RBFOX3: variants seen among roughly 807,000 people sequenced by gnomAD.
RBFOX3 encodes RNA binding fox-1 homolog 3.
In RBFOX3, 17 loss-of-function variants were observed where a neutral mutation model predicts 48.7. The ratio of observed to expected loss-of-function variants is 0.35; its 90% confidence interval spans 0.24 to 0.52. RBFOX3 has a LOEUF of 0.52. Among genes scored for constraint, RBFOX3 ranks in the 20% least tolerant of loss-of-function variants. The pLI is 0.94. For synonymous variants in RBFOX3, 212 were observed against 209.5 expected (o/e 1.01, Z -0.10); for missense variants, 382 against 497.5 (o/e 0.77, Z 2.21).
intron 4 of RBFOX3, among the ~76,000 whole-genome samples, chr17:79,196,660 C>A (rs557043658): frequency 1.3e-5 from 2 of 152,284 alleles, no homozygotes; most frequent in Admixed American, 1.3e-4. Context: ...GGATGGACTG[C>A]ACTTGCCCTG....
At position 79,562,503 on chromosome 17, in the gene RBFOX3, TCTC is replaced by T. The variant is rs1437954300; in HGVS notation, c.-320+48320_-320+48322del. 5.9e-5 allele frequency among the ~76,000 whole-genome samples: 9 copies of T among 152,344 alleles called. No individual in the cohort carries two copies. The East Asian group carries it at 1.7e-3, about 29-fold the overall frequency. Reference sequence around the variant, plus strand: ...CAGAGGGAATTTAATTAGTTCTTGTTCTCCTGATAGAATCAGCCCACCATTGCT... The same window carrying T: ...CAGAGGGAATTTAATTAGTTCTTGTTCTGATAGAATCAGCCCACCATTGCT... On this transcript the variant is annotated intron_variant, in intron 1 of 14. Transcript: ENST00000693108.
intron 3 of RBFOX3, among the ~76,000 whole-genome samples, chr17:79,274,622 G>C (rs1029201859): frequency 6.6e-6 from 1 of 152,074 alleles, no homozygotes; most frequent in African/African-American, 2.4e-5. Context: ...TGGCTCTGTG[G>C]CACCTGGAAA....
intron 3 of RBFOX3, among the ~76,000 whole-genome samples, chr17:79,288,009 C>T (rs954623862): frequency 2.0e-5 from 3 of 152,196 alleles, no homozygotes; most frequent in Admixed American, 6.5e-5. Context: ...ACATTTCACT[C>T]CCACACACAA....
intron 4 of RBFOX3, among the ~76,000 whole-genome samples, chr17:79,132,301 G>A (rs529854962): frequency 5.1e-4 from 77 of 152,224 alleles, no homozygotes; most frequent in Middle Eastern, 3.4e-3. Context: ...GAGGGCGTAC[G>A]TAGAAGAGCA....
At chr17:79,108,816 C>T (rs913291739) in intron 5 of RBFOX3, among the ~76,000 whole-genome samples, 1 of 152,082 alleles carries the variant, frequency 6.6e-6, no homozygotes, top group African/African-American at 2.4e-5. Flanking sequence ...GTGGAGGACA[C>T]AGCCTCCCCC....
intron 2 of RBFOX3, among the ~76,000 whole-genome samples, chr17:79,426,478 G>T (rs1291473318): frequency 6.6e-6 from 1 of 152,196 alleles, no homozygotes; most frequent in Non-Finnish European, 1.5e-5. Flanking sequence ...AGTGTTCTGT[G>T]GTTCCAACAA....
At chr17:79,182,878 C>T (rs2052420267) in intron 4 of RBFOX3, among the ~76,000 whole-genome samples, 1 of 150,960 alleles carries the variant, frequency 6.6e-6, no homozygotes, top group Admixed American at 6.6e-5. Context: ...AGGGAGGATG[C>T]CCCGCTCCCC....
In RBFOX3 at chr17:79,155,896, G is replaced by A. The variant is rs189256549; in HGVS notation, c.-33-40148C>T. ...CGCACCTCTCCTCTCTGACTGCCAC[G>A]GGGCTCGGGTGTCAGGCCAAAGCCT... On this transcript the variant is annotated intron_variant, in intron 4 of 14. Coordinates refer to ENST00000693108, the MANE Select transcript of RBFOX3 (RefSeq NM_001350451.2). Among the ~76,000 whole-genome samples, 32 of 152,322 alleles carry A rather than the reference G, an allele frequency of 2.1e-4. 1 individual carries two copies. Among genetic ancestry groups the A allele is most frequent in the Middle Eastern group, 6.8e-3 (2 of 294 alleles).
At chr17:79,328,705 G>A (rs1277330127) in intron 2 of RBFOX3, among the ~76,000 whole-genome samples, 1 of 152,198 alleles carries the variant, frequency 6.6e-6, no homozygotes, top group East Asian at 1.9e-4. Context: ...TGGCAACAGA[G>A]CGATGGAAGG....
At chr17:79,601,638 T>C (rs1179841829) in intron 1 of RBFOX3, 1 of 152,166 alleles carries the variant, frequency 6.6e-6, no homozygotes, top group Non-Finnish European at 1.5e-5. Flanking sequence ...TGAGTTTTCT[T>C]CTTAGGTTTT....
chr17:79,192,608 G>A (rs1349989863), intron 4 of RBFOX3, among the ~76,000 whole-genome samples: 2 of 152,138 alleles, frequency 1.3e-5, no homozygotes, highest in Non-Finnish European at 1.5e-5. Context: ...GGATGTGGAT[G>A]TCCATGGCTG....
At position 79,299,904 on chromosome 17, in the gene RBFOX3, ACT is replaced by A. The variant is rs1389353520; in HGVS notation, c.-74+7818_-74+7819del. Among the ~76,000 whole-genome samples, 1 of 143,796 alleles carries A rather than the reference ACT, an allele frequency of 7.0e-6. No individual in the cohort carries two copies. Among genetic ancestry groups the A allele is most frequent in the Non-Finnish European group, 1.5e-5 (1 of 65,988 alleles). 94.3% of individuals were successfully genotyped at this position (143,796 alleles called of 152,430 possible). On this transcript the variant is annotated intron_variant, in intron 3 of 14. Coordinates refer to ENST00000693108, the MANE Select transcript of RBFOX3 (RefSeq NM_001350451.2). The surrounding 1 kb of genome is among the most constrained non-coding windows in gnomAD (Gnocchi z 4.5). The stretch of plus-strand genomic sequence containing the variant: ...CAGGCCTCCAAAGGAATCTGCCGAC[ACT>A]CTTTTTTTTTTTTTTTGAGACAGTG...
At chr17:79,275,297 C>T (rs1054161440) in intron 3 of RBFOX3, among the ~76,000 whole-genome samples, 4 of 152,050 alleles carry the variant, frequency 2.6e-5, no homozygotes, top group African/African-American at 4.8e-5. Flanking sequence ...CCAGCTGTCC[C>T]TGTGTCTGGT....
chr17:79,248,300 C>T (rs1457262782), intron 3 of RBFOX3, among the ~76,000 whole-genome samples: 2 of 151,914 alleles, frequency 1.3e-5, no homozygotes, highest in Non-Finnish European at 2.9e-5. Flanking sequence ...GTGGCGCAAT[C>T]TTGGCTCACT....
intron 4 of RBFOX3, among the ~76,000 whole-genome samples, chr17:79,161,596 T>TG (rs1182670277): frequency 1.3e-4 from 20 of 151,286 alleles, no homozygotes; most frequent in Admixed American, 4.6e-4. Context: ...CGTTTTTTTT[T>TG]TGTGTGTGTG....
At chr17:79,308,392 C>T (rs2076372646) in intron 2 of RBFOX3, among the ~76,000 whole-genome samples, 3 of 152,188 alleles carry the variant, frequency 2.0e-5, no homozygotes, top group Admixed American at 1.3e-4. Flanking sequence ...ATCAGTGTCA[C>T]CACGAGCAGC....
rs1489689469 is a variant in RBFOX3, at chr17:79,217,173, C to T, written c.-34+18593G>A. Among the ~76,000 whole-genome samples, 10 of 152,366 alleles carry T rather than the reference C, an allele frequency of 6.6e-5. No individual in the cohort carries two copies. The East Asian group carries it at 1.9e-3, about 29-fold the overall frequency. On this transcript the variant is annotated intron_variant, in intron 4 of 14. Coordinates refer to ENST00000693108, the MANE Select transcript of RBFOX3 (RefSeq NM_001350451.2). ...CCACTCTTGCTTTGCCAAGGCCAGG[C>T]CCCTTGGCTCTGCTGGCAACTGTCC...
chr17:79,376,392 C>T (rs2059226179), intron 2 of RBFOX3, among the ~76,000 whole-genome samples: 1 of 152,108 alleles, frequency 6.6e-6, no homozygotes, highest in African/African-American at 2.4e-5. Flanking sequence ...GTGGGGGTGG[C>T]AGGGGCCGGC....
rs139227738 is a variant in RBFOX3 at position 79,364,402 on chromosome 17, C to A, written c.-174-56578G>T. ...GACGGGGCTGATGGAGATAAAGCTGCCATTCAGATGCAGGTGGACTCTGAA... is the reference window on the plus strand; with the variant it reads ...GACGGGGCTGATGGAGATAAAGCTGACATTCAGATGCAGGTGGACTCTGAA... On this transcript the variant is annotated intron_variant, in intron 2 of 14. Transcript: ENST00000693108. This position sits in a 1 kb window ranked among gnomAD's most constrained non-coding sequence, Gnocchi z 5.1. Among the ~76,000 whole-genome samples the A allele has an allele frequency of 6.6e-6, 1 of 152,350 alleles. No homozygotes were observed. The highest frequency in any genetic ancestry group is 1.9e-4 in the East Asian group (1 of 5,190).
Sources: gnomAD v4.1 joint callset for allele counts (sites outside exome capture counted in the v4.1 genomes callset) on GRCh38, gnomAD v4.1.1 for gene constraint, Gnocchi (gnomAD v3.1) non-coding constraint, MANE v1.5 for transcripts, NCBI Gene and HGNC (gene_info 2026-07-23, HGNC 2026-07-21) for gene names.